VAT1L: variants seen among roughly 807,000 people sequenced by gnomAD.
The protein encoded by VAT1L is putative NADPH-dependent quinone oxidoreductase VAT1L.
In VAT1L, 34 loss-of-function variants were observed where a neutral mutation model predicts 44.1. The observed-to-expected ratio is 0.77, with a 90% CI of 0.59 to 1.03. VAT1L has a LOEUF of 1.03. Among genes scored for constraint, VAT1L ranks in the 50% least tolerant of loss-of-function variants. VAT1L has a pLI of 0.00. For missense variants in VAT1L, 615 were observed against 538.8 expected, an observed-to-expected ratio of 1.14 and a Z score of -1.40; for synonymous variants, 253 against 202.2, an observed-to-expected ratio of 1.25 and a Z score of -2.13.
intron 3 of VAT1L, among the ~76,000 whole-genome samples, chr16:77,849,610 A>G (rs1234167609): frequency 1.3e-5 from 2 of 152,218 alleles, no homozygotes; most frequent in Non-Finnish European, 2.9e-5. Context: ...ACAGCGGGAC[A>G]TAGAGCTTTG....
intron 7 of VAT1L, among the ~76,000 whole-genome samples, chr16:77,899,531 G>C (rs1297856287): frequency 1.3e-5 from 2 of 152,218 alleles, no homozygotes; most frequent in African/African-American, 4.8e-5. Flanking sequence ...GCTGTGTATG[G>C]AAATGCCACA....
chr16:77,959,649 C>G (rs365062), intron 7 of VAT1L, among the ~76,000 whole-genome samples: 51,990 of 151,954 alleles, frequency 0.34, 9,023 homozygotes, highest in South Asian at 0.46. Flanking sequence ...TTATTAAGTG[C>G]TGTCATTTGT....
chr16:77,956,613 T>C (rs1201531882), intron 7 of VAT1L, among the ~76,000 whole-genome samples: 1 of 152,174 alleles, frequency 6.6e-6, no homozygotes, highest in Non-Finnish European at 1.5e-5. Context: ...CATTACAACC[T>C]ATGGGCATCT....
chr16:77,823,805 G>C (rs2016487410), intron 2 of VAT1L, among the ~76,000 whole-genome samples: 1 of 152,080 alleles, frequency 6.6e-6, no homozygotes, highest in Non-Finnish European at 1.5e-5. Flanking sequence ...GATCACTGAG[G>C]TCAGGAGTTC....
intron 7 of VAT1L, among the ~76,000 whole-genome samples, chr16:77,901,325 G>A (rs920129496): frequency 4.0e-5 from 6 of 151,744 alleles, no homozygotes; most frequent in Admixed American, 2.6e-4. Flanking sequence ...CACCATGCCC[G>A]GCTAATTTTT....
intron 7 of VAT1L, among the ~76,000 whole-genome samples, chr16:77,913,423 AC>A (rs1896535809): frequency 6.6e-6 from 1 of 151,528 alleles, no homozygotes; most frequent in African/African-American, 2.4e-5. Context: ...ATTCTACCAA[AC>A]CCACTCTTGT....
intron 2 of VAT1L, among the ~76,000 whole-genome samples, chr16:77,823,331 T>G (rs1156773985): frequency 1.3e-5 from 2 of 152,162 alleles, no homozygotes; most frequent in African/African-American, 2.4e-5. Flanking sequence ...ATATTATCCC[T>G]TCCAAGTAGA....
At chr16:77,977,532 C>A in intron 8 of VAT1L, 65 bp from the exon 9 acceptor site, 2 of 1,529,494 alleles carry the variant, frequency 1.3e-6, no homozygotes, top group South Asian at 1.2e-5. Flanking sequence ...AGGACTCTGT[C>A]AGATGCTCAG....
At chr16:77,942,093 T>A (rs758381160) in intron 7 of VAT1L, among the ~76,000 whole-genome samples, 9 of 152,334 alleles carry the variant, frequency 5.9e-5, no homozygotes, top group African/African-American at 2.2e-4. Context: ...TTCACACTGC[T>A]GATAAATACA....
At chr16:77,834,420 G>A (rs927650185) in intron 3 of VAT1L, among the ~76,000 whole-genome samples, 2 of 152,150 alleles carry the variant, frequency 1.3e-5, no homozygotes, top group East Asian at 3.9e-4. Context: ...CAGGGCCCAT[G>A]CATCTGAGTT....
At chr16:77,798,295 T>C (rs942443968) in intron 1 of VAT1L, among the ~76,000 whole-genome samples, 1 of 152,260 alleles carries the variant, frequency 6.6e-6, no homozygotes, top group Non-Finnish European at 1.5e-5. Context: ...GGCAGTAGGC[T>C]TCTTGGTTAT....
chr16:77,896,740 G>A (rs886451926), intron 7 of VAT1L, among the ~76,000 whole-genome samples: 1 of 152,226 alleles, frequency 6.6e-6, no homozygotes, highest in African/African-American at 2.4e-5. Context: ...GCGTGTTGCA[G>A]AATTAGGCTT....
At chr16:77,948,042 G>C (rs1332137187) in intron 7 of VAT1L, among the ~76,000 whole-genome samples, 1 of 152,160 alleles carries the variant, frequency 6.6e-6, no homozygotes, top group Non-Finnish European at 1.5e-5. Flanking sequence ...TTACAGGTGT[G>C]TACCACCGCG....
chr16:77,802,615 AACACACAC>A (rs57906062), intron 1 of VAT1L, among the ~76,000 whole-genome samples: 4,693 of 111,874 alleles, frequency 0.042, 94 homozygotes, highest in African/African-American at 0.073. Flanking sequence ...CCCCATCTCA[AACACACAC>A]ACACACACAC....
chr16:77,829,105 C>T (rs748257518), intron 3 of VAT1L, among the ~76,000 whole-genome samples: 3 of 152,270 alleles, frequency 2.0e-5, no homozygotes, highest in African/African-American at 7.2e-5. Context: ...TTGGCTGATT[C>T]CAAAACCTCT....
At chr16:77,807,262 T>C (rs2016178083) in intron 1 of VAT1L, among the ~76,000 whole-genome samples, 1 of 152,130 alleles carries the variant, frequency 6.6e-6, no homozygotes, top group South Asian at 2.1e-4. Flanking sequence ...ATCTCAGTGC[T>C]CACTCCCCCA....
intron 2 of VAT1L, among the ~76,000 whole-genome samples, chr16:77,818,580 C>T (rs1177117784): frequency 1.3e-5 from 2 of 152,078 alleles, no homozygotes; most frequent in Admixed American, 1.3e-4. Flanking sequence ...GAATAAATAA[C>T]CAGTTATTTT....
chr16:77,971,183 A>G, intron 7 of VAT1L, among the ~76,000 whole-genome samples: 1 of 152,180 alleles, frequency 6.6e-6, no homozygotes, highest in Non-Finnish European at 1.5e-5. Flanking sequence ...ACATGGCAAC[A>G]GAATGAAATG....
At chr16:77,914,714 T>C (rs2017534736) in intron 7 of VAT1L, among the ~76,000 whole-genome samples, 1 of 151,968 alleles carries the variant, frequency 6.6e-6, no homozygotes, top group Non-Finnish European at 1.5e-5. Context: ...GGGCCGGTTA[T>C]TGAAGCTGAA....
Sources: gnomAD v4.1 joint callset for allele counts (sites outside exome capture counted in the v4.1 genomes callset) on GRCh38, gnomAD v4.1.1 for gene constraint, MANE v1.5 for transcripts, NCBI Gene and HGNC (gene_info 2026-07-23, HGNC 2026-07-21) for gene names.